Variants in CTDSPL observed in about 807,000 individuals in gnomAD.
CTDSPL encodes CTD small phosphatase like, also known as CTD small phosphatase-like protein.
A neutral mutation model predicts 30.5 loss-of-function variants in CTDSPL; 8 were observed. That is an observed-to-expected ratio of 0.26 (90% CI 0.15 to 0.47). The LOEUF is 0.47. CTDSPL is among the 20% of genes least tolerant of loss of function. The pLI, the probability that CTDSPL is intolerant of heterozygous loss-of-function variation, is 0.99. For synonymous variants in CTDSPL, 110 were observed against 137.9 expected (o/e 0.80, Z 1.42); for missense variants, 248 against 366.1 (o/e 0.68, Z 2.63).
chr3:37,914,870 G>GTTGTTTTT (rs1266252934), intron 1 of CTDSPL, among the ~76,000 whole-genome samples: 1 of 71,794 alleles, frequency 1.4e-5, no homozygotes, highest in Non-Finnish European at 2.5e-5. Flanking sequence ...AGATATATAT[G>GTTGTTTTT]TTCTTTTTTT....
At chr3:37,961,262 G>A (rs759584265) in intron 3 of CTDSPL, among the ~76,000 whole-genome samples, 12 of 152,178 alleles carry the variant, frequency 7.9e-5, no homozygotes, top group Non-Finnish European at 1.6e-4. Context: ...TATGAGCCAG[G>A]ATTTAGGGCC....
At position 37,862,388 on chromosome 3, in the gene CTDSPL, G is replaced by C; in HGVS notation, c.79+110G>C. On this transcript the variant is annotated intron_variant, in intron 1 of 7. Coordinates refer to ENST00000273179, the MANE Select transcript of CTDSPL (RefSeq NM_001008392.2). The surrounding 1 kb of genome is among the most constrained non-coding windows in gnomAD (Gnocchi z 4.3). Reference sequence around the variant, plus strand: ...CCTGGGGGAGGGGTGCACAGGGCCCGGAGGGTGCGTGGGTGTGGGGTGCGC... The same window carrying C: ...CCTGGGGGAGGGGTGCACAGGGCCCCGAGGGTGCGTGGGTGTGGGGTGCGC... The C allele has an allele frequency of 1.1e-6, 1 of 914,964 alleles. No individual in the cohort carries two copies. Among genetic ancestry groups the C allele is most frequent in the Non-Finnish European group, 1.4e-6 (1 of 689,690 alleles). 56.7% of individuals were successfully genotyped at this position (914,964 alleles called of 1,614,324 possible).
At chr3:37,970,565 C>G (rs934089402) in intron 5 of CTDSPL, among the ~76,000 whole-genome samples, 1 of 152,218 alleles carries the variant, frequency 6.6e-6, no homozygotes, top group Admixed American at 6.5e-5. Context: ...TCTGTCTTCT[C>G]TCACCAGCTT....
intron 4 of CTDSPL, among the ~76,000 whole-genome samples, chr3:37,966,094 G>T (rs111635146): frequency 5.3e-5 from 8 of 152,324 alleles, no homozygotes; most frequent in African/African-American, 1.9e-4. Flanking sequence ...AACTGTGGGA[G>T]TGTAGGCAAC....
rs925484247 is a variant in CTDSPL, at chr3:37,862,516, G to A, written c.79+238G>A. Among the ~76,000 whole-genome samples the A allele has an allele frequency of 9.2e-5, 14 of 152,094 alleles. No homozygotes were observed. The highest frequency in any genetic ancestry group is 2.7e-4 in the African/African-American group (11 of 41,430). Reference sequence around the variant, plus strand: ...GGAGCGAGTGTGTGTGCATCTAACCGGGAGGTTGTGAGTTTGTGTGCGCGC... The same window carrying A: ...GGAGCGAGTGTGTGTGCATCTAACCAGGAGGTTGTGAGTTTGTGTGCGCGC... On this transcript the variant is annotated intron_variant, in intron 1 of 7. Transcript: ENST00000273179. The surrounding 1 kb of genome is among the most constrained non-coding windows in gnomAD (Gnocchi z 4.3).
At chr3:37,865,738 C>T (rs971696462) in intron 1 of CTDSPL, among the ~76,000 whole-genome samples, 2 of 152,188 alleles carry the variant, frequency 1.3e-5, no homozygotes, top group Non-Finnish European at 2.9e-5. Flanking sequence ...CCAAACACCA[C>T]AGCCACCTTT....
chr3:37,984,419 A>C lies in CTDSPL; in HGVS notation c.*3552A>C. On this transcript the variant is annotated 3_prime_UTR_variant, in exon 8 of 8. Coordinates refer to ENST00000273179, the MANE Select transcript of CTDSPL (RefSeq NM_001008392.2). ...TTCCAGGGGCGAGTATTGTCAATCA[A>C]AAGGTTTGCAATGATTTCCTTCCTG... 1 of 411,652 alleles carries C rather than the reference A, an allele frequency of 2.4e-6. No individual in the cohort carries two copies. Among genetic ancestry groups the C allele is most frequent in the Non-Finnish European group, 5.0e-6 (1 of 198,746 alleles). The allele number at this position is 411,652 out of a possible 1,614,324, so 25.5% of individuals were successfully genotyped here.
chr3:37,940,664 G>A (rs1206195752), intron 1 of CTDSPL, among the ~76,000 whole-genome samples: 1 of 150,450 alleles, frequency 6.6e-6, no homozygotes, highest in Non-Finnish European at 1.5e-5. Flanking sequence ...TTGGTCCAGG[G>A]TGGGTCACGT....
At chr3:37,865,745 C>T (rs547193843) in intron 1 of CTDSPL, among the ~76,000 whole-genome samples, 3 of 152,266 alleles carry the variant, frequency 2.0e-5, no homozygotes, top group Admixed American at 2.0e-4. Context: ...CCACAGCCAC[C>T]TTTAGGGCTG....
chr3:37,884,898 T>G (rs1204926717), intron 1 of CTDSPL, among the ~76,000 whole-genome samples: 1 of 151,910 alleles, frequency 6.6e-6, no homozygotes, highest in Non-Finnish European at 1.5e-5. Context: ...ACAGGGGTCT[T>G]GAGGAAAGTG....
At chr3:37,935,741 C>A (rs895383520) in intron 1 of CTDSPL, among the ~76,000 whole-genome samples, 33 of 152,038 alleles carry the variant, frequency 2.2e-4, no homozygotes, top group African/African-American at 7.7e-4. Flanking sequence ...AGTTTTCAAA[C>A]GTGGCATTTG....
intron 2 of CTDSPL, among the ~76,000 whole-genome samples, chr3:37,955,505 T>C (rs1194433866): frequency 2.6e-5 from 4 of 152,158 alleles, no homozygotes; most frequent in Non-Finnish European, 5.9e-5. Flanking sequence ...CCAAATACTA[T>C]GCAGCCGTAA....
chr3:37,868,027 C>T (rs1366196791), intron 1 of CTDSPL, among the ~76,000 whole-genome samples: 1 of 152,024 alleles, frequency 6.6e-6, no homozygotes, highest in Non-Finnish European at 1.5e-5. Flanking sequence ...ATTTTATATG[C>T]ATAGAATAGT....
intron 7 of CTDSPL, among the ~76,000 whole-genome samples, chr3:37,976,227 A>G (rs1699425925): frequency 6.6e-6 from 1 of 152,170 alleles, no homozygotes. Flanking sequence ...CATTTTTAGT[A>G]TTGTTATTGA....
chr3:37,871,186 C>T (rs536350286), intron 1 of CTDSPL, among the ~76,000 whole-genome samples: 2 of 152,160 alleles, frequency 1.3e-5, no homozygotes, highest in African/African-American at 2.4e-5. Context: ...TTTTCTAGAA[C>T]GTCATATACT....
rs570312078 is a variant in CTDSPL at position 37,957,181 on chromosome 3, CAT to C, written c.267+40_267+41del. 161 of 1,449,280 alleles carry C rather than the reference CAT, an allele frequency of 1.1e-4. 1 individual carries two copies. In the East Asian group the frequency reaches 2.9e-3, roughly 26 times the overall value. The allele number at this position is 1,449,280 out of a possible 1,614,324, so 89.8% of individuals were successfully genotyped here. ...ATCTAATTTTATTTATTAAAACAGT[CAT>C]AAAATCTTGTGGCTTTGGGCCTACT... On this transcript the variant is annotated intron_variant, in intron 3 of 7. Coordinates refer to ENST00000273179, the MANE Select transcript of CTDSPL (RefSeq NM_001008392.2).
intron 1 of CTDSPL, among the ~76,000 whole-genome samples, chr3:37,943,489 T>G (rs1559640257): frequency 6.7e-6 from 1 of 150,134 alleles, no homozygotes; most frequent in Non-Finnish European, 1.5e-5. Context: ...TGGAATGACT[T>G]TTGATGACTC....
At chr3:37,936,156 C>T (rs2125617527) in intron 1 of CTDSPL, among the ~76,000 whole-genome samples, 1 of 152,264 alleles carries the variant, frequency 6.6e-6, no homozygotes, top group South Asian at 2.1e-4. Context: ...TGCTCCTTCC[C>T]TTGGTTTGTC....
At chr3:37,876,858 A>C (rs1210564064) in intron 1 of CTDSPL, among the ~76,000 whole-genome samples, 1 of 152,002 alleles carries the variant, frequency 6.6e-6, no homozygotes, top group Non-Finnish European at 1.5e-5. Context: ...CTGTAATCCC[A>C]GCACTTTGGG....
Sources: allele counts gnomAD v4.1 joint callset (sites outside exome capture counted in the v4.1 genomes callset), GRCh38; gene constraint gnomAD v4.1.1; non-coding constraint Gnocchi (gnomAD v3.1); transcripts MANE v1.5; gene names NCBI Gene and HGNC (gene_info 2026-07-23, HGNC 2026-07-21).